The following PTPN3 variants were observed in gnomAD, a reference collection of about 807,000 sequenced individuals.
PTPN3 encodes the protein protein tyrosine phosphatase non-receptor type 3, also known as tyrosine-protein phosphatase non-receptor type 3.
In PTPN3, 96 loss-of-function variants were observed where a neutral mutation model predicts 132.7. The ratio of observed to expected loss-of-function variants is 0.72; its 90% CI spans 0.61 to 0.86. PTPN3 has a LOEUF of 0.86. Ranked by LOEUF, PTPN3 falls within the 40% of genes least tolerant of loss-of-function variation. The probability of loss-of-function intolerance (pLI) is 0.00; values close to 1 mark genes in which losing one functional copy is unlikely to be tolerated. For missense variants in PTPN3, 1,125 were observed against 1,159.6 expected (o/e 0.97, Z 0.43); for synonymous variants, 398 against 429.0 (o/e 0.93, Z 0.89).
chr9:109,492,904 A>G (rs1281415441), intron 1 of PTPN3, among the ~76,000 whole-genome samples: 1 of 152,228 alleles, frequency 6.6e-6, no homozygotes, highest in Non-Finnish European at 1.5e-5. Context: ...ACTTTTTTCA[A>G]AACAATACAT....
At chr9:109,527,223 G>A in the PTPN3 span, among the ~76,000 whole-genome samples, 1 of 152,204 alleles carries the variant, frequency 6.6e-6, no homozygotes, top group South Asian at 2.1e-4. Flanking sequence ...CACTTTGGGA[G>A]GCCAAGGTGG....
chr9:109,463,766 T>C (rs1276050148), intron 1 of PTPN3, among the ~76,000 whole-genome samples: 1 of 152,248 alleles, frequency 6.6e-6, no homozygotes, highest in Non-Finnish European at 1.5e-5. Context: ...TATGTATTTG[T>C]GTTCTACCTC....
intron 19 of PTPN3, among the ~76,000 whole-genome samples, chr9:109,393,801 C>T (rs766827906): frequency 6.6e-6 from 1 of 152,126 alleles, no homozygotes; most frequent in Non-Finnish European, 1.5e-5. Flanking sequence ...TATGTTTTTG[C>T]AAATTGTATT....
intron 20 of PTPN3, 69 bp downstream of exon 20, chr9:109,391,402 A>C: frequency 1.3e-6 from 2 of 1,493,910 alleles, no homozygotes; most frequent in Non-Finnish European, 1.8e-6. Context: ...AATACCAGAC[A>C]ATCTGTTTTA....
rs1388430161 is a variant in PTPN3 at position 109,383,403 on chromosome 9, C to A, written c.2382+20G>T. ...ATTCAGCACCTGCCCCTCCACCGTG[C>A]CCCTCAGGCTGCGGCTCACCTGGGT... On this transcript the variant is annotated intron_variant, in intron 23 of 25. Coordinates refer to ENST00000374541, the MANE Select transcript of PTPN3 (RefSeq NM_002829.4). 1 of 1,613,946 alleles carries A rather than the reference C, an allele frequency of 6.2e-7. No individual in the cohort carries two copies. Among genetic ancestry groups the A allele is most frequent in the Non-Finnish European group, 8.5e-7 (1 of 1,179,984 alleles).
At chr9:109,470,045 T>C (rs1846299869) in intron 1 of PTPN3, among the ~76,000 whole-genome samples, 1 of 152,034 alleles carries the variant, frequency 6.6e-6, no homozygotes, top group Non-Finnish European at 1.5e-5. Context: ...CCCTCTACTT[T>C]TTTTTTTTCC....
chr9:109,472,381 T>G (rs2132075933), intron 1 of PTPN3, among the ~76,000 whole-genome samples: 1 of 152,382 alleles, frequency 6.6e-6, no homozygotes, highest in East Asian at 1.9e-4. Context: ...TGCATACATT[T>G]TGTGCTATTT....
rs1840213232 is a variant in PTPN3, at chr9:109,392,520, CA to C, written c.1954-960del. ...CTGTGCCTACATGAACACAAATGAA[CA>C]GAAGCACATATATGTAAACGCATAA... On this transcript the variant is annotated intron_variant, in intron 19 of 25. Transcript: ENST00000374541. 3 of 152,200 alleles carry C rather than the reference CA, an allele frequency of 2.0e-5. No homozygotes were observed. In the South Asian group the frequency reaches 6.2e-4, roughly 32 times the overall value. The allele number at this position is 152,200 out of a possible 1,614,324, so 9.4% of individuals were successfully genotyped here. A position where few individuals can be genotyped will look rare whatever the true frequency, so the allele number is the denominator to read the frequency against.
the PTPN3 span, among the ~76,000 whole-genome samples, chr9:109,537,441 C>T: frequency 6.6e-6 from 1 of 152,306 alleles, no homozygotes; most frequent in East Asian, 1.9e-4. Context: ...AAATGTCCTG[C>T]TCTAAACCAA....
At chr9:109,534,104 T>G in the PTPN3 span, 1 of 783,390 alleles carries the variant, frequency 1.3e-6, no homozygotes. Flanking sequence ...TCATTCCTGT[T>G]GATGAAAGCA....
chr9:109,430,242 C>T (rs3793531), intron 10 of PTPN3, among the ~76,000 whole-genome samples: 3 of 151,736 alleles, frequency 2.0e-5, no homozygotes, highest in African/African-American at 4.8e-5. Flanking sequence ...TTCTGCAGAA[C>T]GAGTCAGGAG....
At chr9:109,519,418 T>C in the PTPN3 span, among the ~76,000 whole-genome samples, 2 of 152,220 alleles carry the variant, frequency 1.3e-5, no homozygotes, top group East Asian at 3.8e-4. Context: ...TAAATGTATT[T>C]TTGACTTAGT....
At position 109,377,395 on chromosome 9, in the gene PTPN3, TACACACACACACACACACAC is replaced by T. The variant is rs55719272; in HGVS notation, c.*2141_*2160del. ...AGGCAACACATCAAGATCCTGTCTC[TACACACACACACACACACAC>T]ACACACACACACACACACACACACA... On this transcript the variant is annotated 3_prime_UTR_variant, in exon 26 of 26. Transcript: ENST00000374541. The T allele has an allele frequency of 0.14, 15,298 of 106,868 alleles. 1,033 individuals carry two copies. The highest frequency in any genetic ancestry group is 0.19 in the East Asian group (705 of 3,716). The allele number at this position is 106,868 out of a possible 1,614,324, so 6.6% of individuals were successfully genotyped here.
intron 23 of PTPN3, 39 bp from the exon 24 acceptor site, chr9:109,382,486 T>A: frequency 6.2e-7 from 1 of 1,611,060 alleles, no homozygotes; most frequent in Non-Finnish European, 8.5e-7. Context: ...CCCATCCAGG[T>A]GGTGAGCATG....
chr9:109,389,469 T>C lies in PTPN3; in HGVS notation c.2107-90A>G, dbSNP rs548472646. Reference sequence around the variant, plus strand: ...TTAAACTATTCTACTTGCTAATTGATATTGCACCAGAAAAATTATCTCTTT... The same window carrying C: ...TTAAACTATTCTACTTGCTAATTGACATTGCACCAGAAAAATTATCTCTTT... On this transcript the variant is annotated intron_variant, in intron 21 of 25. Coordinates refer to ENST00000374541, the MANE Select transcript of PTPN3 (RefSeq NM_002829.4). 5.2e-5 allele frequency: 67 copies of C among 1,300,734 alleles called. No homozygotes were observed. The African/African-American group carries it at 9.0e-4, about 18-fold the overall frequency. The allele number at this position is 1,300,734 out of a possible 1,614,324, so 80.6% of individuals were successfully genotyped here.
intron 19 of PTPN3, among the ~76,000 whole-genome samples, chr9:109,398,621 C>T (rs933597586): frequency 1.3e-5 from 2 of 152,158 alleles, no homozygotes; most frequent in African/African-American, 4.8e-5. Flanking sequence ...CTGGGGGATG[C>T]AGGCATTCTC....
chr9:109,468,264 G>A (rs1395924064), intron 1 of PTPN3, among the ~76,000 whole-genome samples: 4 of 152,186 alleles, frequency 2.6e-5, no homozygotes, highest in Non-Finnish European at 5.9e-5. Flanking sequence ...TAATATGGAA[G>A]CCAAGCTTGT....
upstream of PTPN3, among the ~76,000 whole-genome samples, chr9:109,502,510 G>T (rs773071442): frequency 3.9e-5 from 6 of 152,164 alleles, no homozygotes; most frequent in Non-Finnish European, 7.3e-5. Context: ...ACTATAAATT[G>T]CCAGGCAGGG....
At position 109,408,291 on chromosome 9, in the gene PTPN3, C is replaced by G. The variant is rs188060381; in HGVS notation, c.1635+30G>C. 4 of 1,491,538 alleles carry G rather than the reference C, an allele frequency of 2.7e-6. No individual in the cohort carries two copies. In the South Asian group the frequency reaches 5.3e-5, roughly 20 times the overall value. The allele number at this position is 1,491,538 out of a possible 1,614,324, so 92.4% of individuals were successfully genotyped here. A position where few individuals can be genotyped will look rare whatever the true frequency, so the allele number is the denominator to read the frequency against. ...AGAATTAGGGGGAAACAAACAAACA[C>G]GAGGAATAACATGGAATGTATTTAC... On this transcript the variant is annotated intron_variant, in intron 17 of 25. Transcript: ENST00000374541.
Sources: allele counts gnomAD v4.1 joint callset (sites outside exome capture counted in the v4.1 genomes callset), GRCh38; gene constraint gnomAD v4.1.1; transcripts MANE v1.5; gene names NCBI Gene and HGNC (gene_info 2026-07-23, HGNC 2026-07-21).